Variants in PPP2R2B observed in about 807,000 individuals in gnomAD.
PPP2R2B encodes the protein serine/threonine-protein phosphatase 2A 55 kDa regulatory subunit B beta isoform.
PPP2R2B carries 5 observed loss-of-function variants against 46.0 expected under a neutral mutation model. The observed-to-expected ratio is 0.11, with a 90% CI of 0.06 to 0.23. The LOEUF is 0.23. Ranked by LOEUF, PPP2R2B falls within the 10% of genes least tolerant of loss-of-function variation. PPP2R2B has a pLI of 1.00. For synonymous variants in PPP2R2B, 215 were observed against 206.7 expected (o/e 1.04, Z -0.34); for missense variants, 367 against 575.0 (o/e 0.64, Z 3.70).
Position 146,878,547 on chromosome 5 carries a change from C to T in PPP2R2B, c.-125+44G>A, listed in dbSNP as rs1057279871. The T allele has an allele frequency of 1.4e-4, 181 of 1,259,290 alleles. No individual in the cohort carries two copies. Among genetic ancestry groups the T allele is most frequent in the Non-Finnish European group, 1.6e-4 (160 of 983,834 alleles). 78.0% of individuals were successfully genotyped at this position (1,259,290 alleles called of 1,614,324 possible). On this transcript the variant is annotated intron_variant, in intron 1 of 9. Transcript: ENST00000394411. The surrounding 1 kb of genome is among the most constrained non-coding windows in gnomAD (Gnocchi z 4.5). ...GCGACAAAATGGTGCCTTTCTGGAC[C>T]CGAGCTGCAGTGGCGAGATGGCAGG...
At chr5:146,810,061 T>G (rs1164370712) in intron 2 of PPP2R2B, among the ~76,000 whole-genome samples, 1 of 152,176 alleles carries the variant, frequency 6.6e-6, no homozygotes, top group African/African-American at 2.4e-5. Context: ...TGGTGGGTAG[T>G]GGTGCTGTGT....
In PPP2R2B at chr5:146,582,480, C is replaced by T. The variant is rs1373908156; in HGVS notation, c.*7467G>A. On this transcript the variant is annotated 3_prime_UTR_variant, in exon 10 of 10. Transcript: ENST00000394411. ...CTATTAACTAACACTGCAATCTAAG[C>T]TTGATCACTTGCTTTTAACACATCT... The T allele has an allele frequency of 6.6e-6, 1 of 152,230 alleles. No individual in the cohort carries two copies. The highest frequency in any genetic ancestry group is 1.5e-5 in the Non-Finnish European group (1 of 68,058). 9.4% of individuals were successfully genotyped at this position (152,230 alleles called of 1,614,324 possible).
At chr5:146,793,051 C>T (rs1180105811) in intron 2 of PPP2R2B, among the ~76,000 whole-genome samples, 2 of 152,158 alleles carry the variant, frequency 1.3e-5, no homozygotes, top group Non-Finnish European at 1.5e-5. Context: ...TAGATACTTG[C>T]TTGCATCAGC....
chr5:146,941,570 A>T (rs1235411105), intron 1 of PPP2R2B, among the ~76,000 whole-genome samples: 1 of 152,178 alleles, frequency 6.6e-6, no homozygotes, highest in African/African-American at 2.4e-5. Flanking sequence ...ACTAAAAAAC[A>T]TTAGGTTGGT....
intron 1 of PPP2R2B, among the ~76,000 whole-genome samples, chr5:146,884,073 AC>A (rs1183130173): frequency 6.9e-6 from 1 of 145,556 alleles, no homozygotes; most frequent in Non-Finnish European, 1.5e-5. Flanking sequence ...AAAAAAAAAC[AC>A]TATGTAAATT....
chr5:147,011,306 C>G (rs956201819), intron 1 of PPP2R2B, among the ~76,000 whole-genome samples: 2 of 152,078 alleles, frequency 1.3e-5, no homozygotes, highest in Non-Finnish European at 2.9e-5. Context: ...AATGCCCCCC[C>G]CATCCCTACA....
chr5:146,969,320 T>A (rs192168151), intron 1 of PPP2R2B, among the ~76,000 whole-genome samples: 6 of 152,220 alleles, frequency 3.9e-5, no homozygotes, highest in Admixed American at 3.9e-4. Context: ...TGAAACCAGA[T>A]CACAGAAACT....
intron 1 of PPP2R2B, among the ~76,000 whole-genome samples, chr5:146,998,790 T>C (rs1754032144): frequency 6.6e-6 from 1 of 152,108 alleles, no homozygotes; most frequent in African/African-American, 2.4e-5. Flanking sequence ...CAGCCTTCTC[T>C]TTTTTCCCCC....
chr5:146,886,067 G>A (rs753407146), intron 1 of PPP2R2B, among the ~76,000 whole-genome samples: 4 of 152,162 alleles, frequency 2.6e-5, no homozygotes, highest in Non-Finnish European at 5.9e-5. Flanking sequence ...GGCCGGGCGC[G>A]GTGGCTCACG....
At chr5:146,937,297 T>C (rs1427336825) in intron 1 of PPP2R2B, among the ~76,000 whole-genome samples, 1 of 148,394 alleles carries the variant, frequency 6.7e-6, no homozygotes, top group Admixed American at 6.7e-5. Context: ...TGAGACTCCG[T>C]CTCAGAAAAA....
At chr5:146,941,100 G>T (rs903263291) in intron 1 of PPP2R2B, among the ~76,000 whole-genome samples, 5 of 152,066 alleles carry the variant, frequency 3.3e-5, no homozygotes, top group African/African-American at 1.2e-4. Context: ...ATTACCAAAG[G>T]CCATTTTAGA....
intron 5 of PPP2R2B, among the ~76,000 whole-genome samples, chr5:146,673,793 C>A (rs1777528210): frequency 6.6e-6 from 1 of 152,214 alleles, no homozygotes; most frequent in African/African-American, 2.4e-5. Flanking sequence ...GTTTACTGAG[C>A]TTTCAAAAAC....
upstream of PPP2R2B, among the ~76,000 whole-genome samples, chr5:146,881,403 C>CT (rs745513540): frequency 6.6e-6 from 1 of 150,790 alleles, no homozygotes; most frequent in Non-Finnish European, 1.5e-5. Context: ...TTTTTATTTT[C>CT]TTTTTTTATT....
At chr5:146,684,071 C>T (rs1778341976) in intron 5 of PPP2R2B, among the ~76,000 whole-genome samples, 2 of 152,104 alleles carry the variant, frequency 1.3e-5, no homozygotes, top group Admixed American at 6.5e-5. Flanking sequence ...CCATTGCAAG[C>T]CTGTGAATAT....
At chr5:146,797,912 C>T (rs1217777948) in intron 2 of PPP2R2B, among the ~76,000 whole-genome samples, 4 of 152,150 alleles carry the variant, frequency 2.6e-5, no homozygotes, top group Non-Finnish European at 5.9e-5. Flanking sequence ...GCTGTGCAGC[C>T]ACAAGTGCCA....
At chr5:147,041,681 A>G (rs1416274453) in intron 1 of PPP2R2B, among the ~76,000 whole-genome samples, 1 of 152,048 alleles carries the variant, frequency 6.6e-6, no homozygotes, top group African/African-American at 2.4e-5. Context: ...CTCAGGATCT[A>G]CTGATTCAGA....
chr5:146,898,646 C>T (rs1408956889), intron 1 of PPP2R2B, among the ~76,000 whole-genome samples: 1 of 141,854 alleles, frequency 7.0e-6, no homozygotes, highest in Non-Finnish European at 1.5e-5. Context: ...AACTAAAGAG[C>T]TTCTGCACAG....
chr5:146,825,472 T>G (rs970965114), intron 2 of PPP2R2B, among the ~76,000 whole-genome samples: 2 of 152,228 alleles, frequency 1.3e-5, no homozygotes, highest in Non-Finnish European at 2.9e-5. Context: ...ACAACCACAT[T>G]GAGGTACATG....
chr5:146,954,518 G>A (rs886916228), intron 1 of PPP2R2B, among the ~76,000 whole-genome samples: 24 of 152,208 alleles, frequency 1.6e-4, no homozygotes, highest in Admixed American at 1.4e-3. Context: ...GGAAAGGGTG[G>A]GAAGGGGGTG....
Sources: gnomAD v4.1 joint callset for allele counts (sites outside exome capture counted in the v4.1 genomes callset) on GRCh38, gnomAD v4.1.1 for gene constraint, Gnocchi (gnomAD v3.1) non-coding constraint, MANE v1.5 for transcripts, NCBI Gene and HGNC (gene_info 2026-07-23, HGNC 2026-07-21) for gene names.